The following WDFY4 variants were observed in gnomAD, a reference collection of about 807,000 sequenced individuals.
WDFY4 encodes the protein WDFY family member 4.
WDFY4 carries 169 observed loss-of-function variants against 351.9 expected under a neutral mutation model. That is an observed-to-expected ratio of 0.48 (90% confidence interval 0.42 to 0.55). The LOEUF (loss-of-function observed/expected upper bound fraction) is 0.55. WDFY4 is among the 20% of genes least tolerant of loss of function. The pLI is 0.00. For synonymous variants in WDFY4, 1,622 were observed against 1,574.6 expected, an observed-to-expected ratio of 1.03 and a Z score of -0.71; for missense variants, 3,803 against 3,935.6, an observed-to-expected ratio of 0.97 and a Z score of 0.90.
chr10:48,928,460 A>G (rs1877801), intron 47 of WDFY4, among the ~76,000 whole-genome samples: 146,560 of 151,458 alleles, frequency 0.97, 71,098 homozygotes, highest in East Asian at 1. Context: ...CAAATGGGGA[A>G]CCTGGACTCC....
chr10:48,724,691 C>G (rs770144747), intron 5 of WDFY4, among the ~76,000 whole-genome samples: 1 of 152,102 alleles, frequency 6.6e-6, no homozygotes, highest in Non-Finnish European at 1.5e-5. Flanking sequence ...TACAGAGCCC[C>G]TACTGTGCGC....
intron 11 of WDFY4, among the ~76,000 whole-genome samples, chr10:48,736,932 G>C (rs1271480752): frequency 6.6e-6 from 1 of 152,204 alleles, no homozygotes; most frequent in Non-Finnish European, 1.5e-5. Flanking sequence ...AGAGATATAA[G>C]TGTATGTGTT....
intron 19 of WDFY4, among the ~76,000 whole-genome samples, chr10:48,784,286 A>G (rs748868799): frequency 2.0e-5 from 3 of 152,200 alleles, no homozygotes; most frequent in Non-Finnish European, 4.4e-5. Context: ...AAATGATTGT[A>G]TCATTTGACA....
intron 44 of WDFY4, among the ~76,000 whole-genome samples, chr10:48,895,676 C>A (rs1837041129): frequency 6.6e-6 from 1 of 152,238 alleles, no homozygotes; most frequent in South Asian, 2.1e-4. Flanking sequence ...TAGCTCAAGG[C>A]ATTTCAGTTA....
At chr10:48,933,190 C>G (rs1035931203) in intron 47 of WDFY4, among the ~76,000 whole-genome samples, 6 of 152,154 alleles carry the variant, frequency 3.9e-5, no homozygotes, top group Non-Finnish European at 8.8e-5. Flanking sequence ...ATATGTGGAC[C>G]AGGCAACGAG....
At chr10:48,827,678 T>G (rs1234241104) in intron 36 of WDFY4, among the ~76,000 whole-genome samples, 1 of 151,222 alleles carries the variant, frequency 6.6e-6, no homozygotes, top group East Asian at 2.0e-4. Flanking sequence ...TTTCTTCATT[T>G]TATTCATCCT....
chr10:48,918,706 G>A (rs926706347), intron 47 of WDFY4, among the ~76,000 whole-genome samples: 1 of 152,126 alleles, frequency 6.6e-6, no homozygotes, highest in Admixed American at 6.5e-5. Context: ...CTCAACCTTG[G>A]CTCTGTTGAC....
At chr10:48,735,837 C>A in intron 10 of WDFY4, 43 bp from the exon 11 acceptor site, 1 of 1,465,726 alleles carries the variant, frequency 6.8e-7, no homozygotes, top group Non-Finnish European at 9.3e-7. Flanking sequence ...AAGTGGCAAG[C>A]TTCCCCCTTG....
intron 42 of WDFY4, among the ~76,000 whole-genome samples, chr10:48,875,963 G>T (rs774020787): frequency 1.3e-5 from 2 of 152,202 alleles, no homozygotes; most frequent in Non-Finnish European, 2.9e-5. Flanking sequence ...GCCTGCTCCA[G>T]CTCCAGAGGT....
intron 40 of WDFY4, among the ~76,000 whole-genome samples, chr10:48,868,004 G>T (rs570061548): frequency 1.2e-4 from 19 of 152,184 alleles, no homozygotes; most frequent in Non-Finnish European, 1.6e-4. Context: ...ACAATACATG[G>T]TGATGAGCTC....
intron 22 of WDFY4, among the ~76,000 whole-genome samples, chr10:48,790,206 A>C (rs1351323063): frequency 6.6e-6 from 1 of 152,260 alleles, no homozygotes; most frequent in Non-Finnish European, 1.5e-5. Context: ...TGGTGAGCTC[A>C]GCTACTAACC....
At chr10:48,901,659 T>C in intron 46 of WDFY4, 142 bp from the exon 47 acceptor site, 2 of 802,850 alleles carry the variant, frequency 2.5e-6, no homozygotes, top group South Asian at 3.3e-5. Flanking sequence ...CACCCAGGCC[T>C]GGTGTTCACG....
intron 1 of WDFY4, among the ~76,000 whole-genome samples, chr10:48,695,349 G>A (rs1242490202): frequency 1.3e-5 from 2 of 152,158 alleles, no homozygotes; most frequent in Non-Finnish European, 1.5e-5. Flanking sequence ...GTCCAGCCAG[G>A]GACTCCCTGC....
chr10:48,884,635 C>A lies in WDFY4; in HGVS notation c.7168-5944C>A, dbSNP rs2070384729. Among the ~76,000 whole-genome samples, 8 of 152,146 alleles carry A rather than the reference C, an allele frequency of 5.3e-5. No individual in the cohort carries two copies. In the South Asian group the frequency reaches 1.7e-3, roughly 32 times the overall value. The stretch of plus-strand genomic sequence containing the variant: ...CACGTGCACACACACACATACACAC[C>A]CCTCTGACTTTTTAATTATACAGAA... On this transcript the variant is annotated intron_variant, in intron 43 of 61. Transcript: ENST00000325239.
At chr10:48,910,176 T>C in intron 47 of WDFY4, 1 of 1,433,914 alleles carries the variant, frequency 7.0e-7, no homozygotes, top group East Asian at 2.3e-5. Context: ...TGGGGGCTTC[T>C]CCTCTTCAGA....
chr10:48,879,627 G>A (rs764511979), intron 43 of WDFY4, among the ~76,000 whole-genome samples: 12 of 152,224 alleles, frequency 7.9e-5, no homozygotes, highest in Non-Finnish European at 1.5e-4. Context: ...GATGGCTGCA[G>A]CCAAGGCATT....
At chr10:48,845,109 C>T (rs932300128) in intron 39 of WDFY4, among the ~76,000 whole-genome samples, 31 of 152,196 alleles carry the variant, frequency 2.0e-4, no homozygotes, top group African/African-American at 7.2e-4. Context: ...GAGAGAGGCC[C>T]ATGTGGCTGG....
chr10:48,976,345 A>C lies in WDFY4; in HGVS notation c.9109-452A>C, dbSNP rs113324036. The stretch of plus-strand genomic sequence containing the variant: ...GAAATTCCCTCTTCAGGGACATTGC[A>C]CAAGCTTATGAGCCACATGCAGTCA... On this transcript the variant is annotated intron_variant, in intron 58 of 61. Coordinates refer to ENST00000325239, the MANE Select transcript of WDFY4 (RefSeq NM_001394531.1). Among the ~76,000 whole-genome samples, 1,122 of 152,324 alleles carry C rather than the reference A, an allele frequency of 7.4e-3. 15 individuals are homozygous for C. Among genetic ancestry groups the C allele is most frequent in the African/African-American group, 0.025 (1,060 of 41,580 alleles).
At chr10:48,840,641 C>T (rs2068572507) in intron 39 of WDFY4, among the ~76,000 whole-genome samples, 1 of 152,168 alleles carries the variant, frequency 6.6e-6, no homozygotes, top group South Asian at 2.1e-4. Flanking sequence ...AGAAACTCAG[C>T]AGCAGAACTG....
Sources: allele counts gnomAD v4.1 joint callset (sites outside exome capture counted in the v4.1 genomes callset), GRCh38; gene constraint gnomAD v4.1.1; transcripts MANE v1.5; gene names NCBI Gene and HGNC (gene_info 2026-07-23, HGNC 2026-07-21).